PRR33: variants seen among roughly 807,000 people sequenced by gnomAD.
The protein encoded by PRR33 is proline rich 33, also known as proline-rich protein 33.
In PRR33, 1 loss-of-function variant was observed where a neutral mutation model predicts 0.5. That is an observed-to-expected ratio of 2.18 (90% CI 0.77 to 10.34). PRR33 has a LOEUF of 10.34. Among genes scored for constraint, PRR33 ranks in the 30% most tolerant of loss-of-function variants. The pLI, the probability that PRR33 is intolerant of heterozygous loss-of-function variation, is 0.13. For missense variants in PRR33, 552 were observed against 251.8 expected (o/e 2.19, Z -8.07); for synonymous variants, 226 against 110.0 (o/e 2.06, Z -6.60).
chr11:1,916,935 C>T, the PRR33 span, among the ~76,000 whole-genome samples: 4 of 152,228 alleles, frequency 2.6e-5, no homozygotes, highest in African/African-American at 9.6e-5. Context: ...AGATGAAGCC[C>T]CTAGCCTCTG....
At chr11:1,897,327 C>T in the PRR33 span, among the ~76,000 whole-genome samples, 1 of 152,180 alleles carries the variant, frequency 6.6e-6, no homozygotes, top group East Asian at 1.9e-4. The surrounding 1 kb of genome is among the most constrained non-coding windows in gnomAD (Gnocchi z 4.0). Context: ...CTTGTTTGGT[C>T]CCAAGCCCCA....
the PRR33 span, among the ~76,000 whole-genome samples, chr11:1,913,171 C>A: frequency 6.6e-6 from 1 of 152,048 alleles, no homozygotes; most frequent in Non-Finnish European, 1.5e-5. Context: ...CGCTCTGTCG[C>A]CCAGGCTGGA....
chr11:1,911,833 C>G, the PRR33 span, among the ~76,000 whole-genome samples: 93 of 151,960 alleles, frequency 6.1e-4, 1 homozygote, highest in African/African-American at 2.1e-3. Flanking sequence ...CTACATCATT[C>G]AGTTTTCTGA....
At chr11:1,910,327 G>T in the PRR33 span, among the ~76,000 whole-genome samples, 1 of 152,274 alleles carries the variant, frequency 6.6e-6, no homozygotes. Flanking sequence ...TCGGCTCACT[G>T]CAAGTTCTGC....
At chr11:1,913,575 C>T in the PRR33 span, among the ~76,000 whole-genome samples, 12 of 152,310 alleles carry the variant, frequency 7.9e-5, no homozygotes, top group African/African-American at 2.9e-4. Context: ...TGACCACGTC[C>T]CCTCTGATCC....
chr11:1,902,991 C>T, the PRR33 span: 2 of 152,158 alleles, frequency 1.3e-5, no homozygotes, highest in African/African-American at 2.4e-5. Flanking sequence ...CCAGAGGTCA[C>T]TCTCGTCACC....
the PRR33 span, among the ~76,000 whole-genome samples, chr11:1,909,772 C>G: frequency 1.3e-5 from 2 of 151,718 alleles, no homozygotes; most frequent in African/African-American, 4.8e-5. Context: ...ACAGTGAGAC[C>G]CTATCTGAGA....
chr11:1,892,363 G>C, upstream of PRR33: 1 of 152,292 alleles, frequency 6.6e-6, no homozygotes, highest in East Asian at 1.9e-4. Context: ...GCATGCTGTG[G>C]CCTCTGGGTT....
the PRR33 span, among the ~76,000 whole-genome samples, chr11:1,912,068 A>C: frequency 1.4e-5 from 2 of 144,822 alleles, no homozygotes; most frequent in Non-Finnish European, 3.0e-5. Context: ...GCTATGTGAG[A>C]GGGTGAGGTG....
chr11:1,889,413 C>T (rs903784464), exon 1 of PRR33: 29 of 680,482 alleles, frequency 4.3e-5, no homozygotes, highest in East Asian at 1.1e-4. Flanking sequence ...GGCGGGGGCC[C>T]GGGGTGCGGT....
upstream of PRR33, among the ~76,000 whole-genome samples, chr11:1,895,266 G>A (rs1366627695): frequency 6.6e-6 from 1 of 152,010 alleles, no homozygotes; most frequent in Admixed American, 6.6e-5. Flanking sequence ...CCAGGTAGCT[G>A]GAACTACAGG....
At chr11:1,901,156 T>C in the PRR33 span, among the ~76,000 whole-genome samples, 7 of 152,024 alleles carry the variant, frequency 4.6e-5, no homozygotes, top group Admixed American at 4.6e-4. Flanking sequence ...CTAAAAAAAA[T>C]ACAAAATTAG....
chr11:1,909,648 T>C, the PRR33 span, among the ~76,000 whole-genome samples: 1 of 151,998 alleles, frequency 6.6e-6, no homozygotes, highest in Non-Finnish European at 1.5e-5. Flanking sequence ...GGCATGGCAG[T>C]GGGCACCTGT....
the PRR33 span, among the ~76,000 whole-genome samples, chr11:1,905,068 G>A: frequency 6.7e-6 from 1 of 148,536 alleles, no homozygotes; most frequent in East Asian, 2.0e-4. Context: ...GGTTTAATTT[G>A]CTTTTCTTTT....
At chr11:1,908,452 G>A in the PRR33 span, among the ~76,000 whole-genome samples, 1 of 151,836 alleles carries the variant, frequency 6.6e-6, no homozygotes, top group African/African-American at 2.4e-5. Context: ...TTTTTCAAAA[G>A]TTTTTTTCTT....
the PRR33 span, among the ~76,000 whole-genome samples, chr11:1,908,758 T>A: frequency 3.9e-5 from 6 of 152,242 alleles, no homozygotes; most frequent in African/African-American, 1.4e-4. Context: ...CCAGAACTTA[T>A]ACGTCTCATT....
chr11:1,897,406 G>C, the PRR33 span, among the ~76,000 whole-genome samples: 1 of 152,186 alleles, frequency 6.6e-6, no homozygotes, highest in African/African-American at 2.4e-5. This position sits in a 1 kb window ranked among gnomAD's most constrained non-coding sequence, Gnocchi z 4.0. Context: ...TTTTTGTAAG[G>C]GATAGAGAGG....
At chr11:1,897,630 C>T in the PRR33 span, among the ~76,000 whole-genome samples, 2 of 152,260 alleles carry the variant, frequency 1.3e-5, no homozygotes, top group South Asian at 4.1e-4. The surrounding 1 kb of genome is among the most constrained non-coding windows in gnomAD (Gnocchi z 4.0). Context: ...TGCCTTTGGT[C>T]AGGTTCTCAT....
At chr11:1,915,295 C>G in the PRR33 span, among the ~76,000 whole-genome samples, 4 of 147,768 alleles carry the variant, frequency 2.7e-5, no homozygotes, top group East Asian at 2.1e-4. Flanking sequence ...ATGTTATTCT[C>G]TGTGTGTGTG....
Sources: gnomAD v4.1 joint callset for allele counts (sites outside exome capture counted in the v4.1 genomes callset) on GRCh38, gnomAD v4.1.1 for gene constraint, Gnocchi (gnomAD v3.1) non-coding constraint, MANE v1.5 for transcripts, NCBI Gene and HGNC (gene_info 2026-07-23, HGNC 2026-07-21) for gene names.